Variants in CERKL observed in about 807,000 individuals in gnomAD.
CERKL encodes the protein ceramide kinase-like protein.
In CERKL, 61 loss-of-function variants were observed where a neutral mutation model predicts 63.4. The observed-to-expected ratio is 0.96, with a 90% confidence interval of 0.78 to 1.19. CERKL has a LOEUF of 1.19. CERKL is among the 50% of genes most tolerant of loss of function. The pLI is 0.00. For missense variants in CERKL, 675 were observed against 655.5 expected (o/e 1.03, Z -0.33); for synonymous variants, 250 against 230.5 (o/e 1.08, Z -0.77).
chr2:181,561,748 T>A (rs1487426360), intron 4 of CERKL, among the ~76,000 whole-genome samples: 1 of 152,146 alleles, frequency 6.6e-6, no homozygotes, highest in African/African-American at 2.4e-5. Flanking sequence ...TCTGGAGGCT[T>A]CATCTACATA....
At chr2:181,622,427 T>C (rs12617685) in intron 1 of CERKL, among the ~76,000 whole-genome samples, 26,649 of 152,150 alleles carry the variant, frequency 0.18, 2,952 homozygotes, top group East Asian at 0.33. Flanking sequence ...CCTTCAAAAA[T>C]AGTGACTACT....
intron 5 of CERKL, among the ~76,000 whole-genome samples, chr2:181,555,202 T>C (rs772341124): frequency 5.9e-5 from 9 of 152,202 alleles, no homozygotes; most frequent in Non-Finnish European, 1.2e-4. Flanking sequence ...CCCATCTTTC[T>C]ATTTCTGATG....
At chr2:181,579,266 G>A (rs1684397984) in intron 2 of CERKL, among the ~76,000 whole-genome samples, 1 of 151,876 alleles carries the variant, frequency 6.6e-6, no homozygotes, top group African/African-American at 2.4e-5. Context: ...AATTTAGATT[G>A]CCTGTTTTCT....
intron 1 of CERKL, among the ~76,000 whole-genome samples, chr2:181,616,844 CAAAT>C (rs2105912226): frequency 6.6e-6 from 1 of 152,234 alleles, no homozygotes; most frequent in South Asian, 2.1e-4. Flanking sequence ...TTTATATAAA[CAAAT>C]ATTCAGGAGA....
chr2:181,650,255 A>T (rs537981676), intron 1 of CERKL, among the ~76,000 whole-genome samples: 2 of 152,378 alleles, frequency 1.3e-5, no homozygotes, highest in East Asian at 3.9e-4. Flanking sequence ...ATGCTCCTAA[A>T]CAACCAATGG....
intron 1 of CERKL, among the ~76,000 whole-genome samples, chr2:181,635,870 T>A (rs1687158927): frequency 6.6e-6 from 1 of 152,184 alleles, no homozygotes; most frequent in Non-Finnish European, 1.5e-5. Flanking sequence ...CTTTTTACAC[T>A]CCAATAATGC....
chr2:181,588,139 A>T (rs1273131189), intron 2 of CERKL, among the ~76,000 whole-genome samples: 1 of 152,104 alleles, frequency 6.6e-6, no homozygotes, highest in Non-Finnish European at 1.5e-5. Context: ...TACTCTTAAC[A>T]ATTTTCAAGT....
intron 5 of CERKL, 71 bp from the exon 6 acceptor site, chr2:181,549,779 A>G (rs567448366): frequency 1.0e-6 from 1 of 959,866 alleles, no homozygotes; most frequent in Admixed American, 1.7e-5. Flanking sequence ...CTTTTACTTT[A>G]TGTAGATGTC....
chr2:181,605,167 A>C (rs1685626906), intron 1 of CERKL, among the ~76,000 whole-genome samples: 1 of 152,220 alleles, frequency 6.6e-6, no homozygotes, highest in Admixed American at 6.5e-5. Flanking sequence ...CGACCGCCCC[A>C]ACCTATTGCC....
intron 2 of CERKL, among the ~76,000 whole-genome samples, chr2:181,588,632 G>A (rs1044560981): frequency 3.3e-5 from 5 of 152,098 alleles, no homozygotes; most frequent in African/African-American, 1.2e-4. Flanking sequence ...GGATCATATG[G>A]TAGTTCTACT....
chr2:181,649,140 C>T (rs1340982185), intron 1 of CERKL, among the ~76,000 whole-genome samples: 3 of 152,048 alleles, frequency 2.0e-5, no homozygotes, highest in African/African-American at 7.2e-5. Context: ...GGAAAAAAAA[C>T]TCAGCTACAT....
At chr2:181,616,362 C>T (rs745674172) in intron 1 of CERKL, among the ~76,000 whole-genome samples, 61 of 151,960 alleles carry the variant, frequency 4.0e-4, no homozygotes, top group Middle Eastern at 3.4e-3. Context: ...CACAGGCGCT[C>T]GCCACCATGC....
At chr2:181,592,561 A>G (rs1456200637) in intron 2 of CERKL, among the ~76,000 whole-genome samples, 1 of 152,206 alleles carries the variant, frequency 6.6e-6, no homozygotes, top group Non-Finnish European at 1.5e-5. Context: ...TCTGAATGGC[A>G]TATCAAAGAC....
intron 2 of CERKL, among the ~76,000 whole-genome samples, chr2:181,588,025 C>T (rs1290413441): frequency 6.6e-6 from 1 of 152,092 alleles, no homozygotes; most frequent in Non-Finnish European, 1.5e-5. Flanking sequence ...TCATGTACAT[C>T]ATGTTGTTTT....
intron 3 of CERKL, among the ~76,000 whole-genome samples, chr2:181,569,051 TC>T (rs1221963507): frequency 4.6e-5 from 7 of 151,954 alleles, no homozygotes; most frequent in Non-Finnish European, 2.9e-5. Context: ...CTCAAACCTC[TC>T]CCCCACTCTA....
At chr2:181,609,106 A>C (rs1428946853) in intron 1 of CERKL, among the ~76,000 whole-genome samples, 1 of 151,874 alleles carries the variant, frequency 6.6e-6, no homozygotes, top group Non-Finnish European at 1.5e-5. Context: ...TATTCTCTTT[A>C]TTTTCTTTTA....
chr2:181,636,133 A>G (rs1165503358), intron 1 of CERKL, among the ~76,000 whole-genome samples: 1 of 152,172 alleles, frequency 6.6e-6, no homozygotes, highest in Admixed American at 6.5e-5. Flanking sequence ...TTCTGTTTAC[A>G]TATTTTGCTA....
At chr2:181,548,043 T>C (rs1295273275) in intron 8 of CERKL, 196 bp from the exon 9 acceptor site, 4 of 619,712 alleles carry the variant, frequency 6.5e-6, no homozygotes, top group Non-Finnish European at 1.1e-5. Context: ...CATTTAAAGG[T>C]AAACTAGTAT....
chr2:181,651,708 T>C (rs748590456), intron 1 of CERKL, among the ~76,000 whole-genome samples: 8 of 150,106 alleles, frequency 5.3e-5, no homozygotes, highest in Non-Finnish European at 1.2e-4. Context: ...AGCATCCAAA[T>C]TAGAAAGAAG....
Sources: gnomAD v4.1 joint callset for allele counts (sites outside exome capture counted in the v4.1 genomes callset) on GRCh38, gnomAD v4.1.1 for gene constraint, MANE v1.5 for transcripts, NCBI Gene and HGNC (gene_info 2026-07-23, HGNC 2026-07-21) for gene names.